The following GABRG3 variants were observed in gnomAD, a reference collection of about 807,000 sequenced individuals.
The protein encoded by GABRG3 is gamma-aminobutyric acid type A receptor subunit gamma3.
In GABRG3, 25 loss-of-function variants were observed where a neutral mutation model predicts 48.8. The observed-to-expected ratio is 0.51, with a 90% CI of 0.37 to 0.72. The LOEUF (loss-of-function observed/expected upper bound fraction) is 0.72, where lower values mean the gene tolerates loss of function less well. Among genes scored for constraint, GABRG3 ranks in the 30% least tolerant of loss-of-function variants. The probability of loss-of-function intolerance (pLI) is 0.00; values close to 1 mark genes in which losing one functional copy is unlikely to be tolerated. For missense variants in GABRG3, 394 were observed against 577.9 expected (o/e 0.68, Z 3.26); for synonymous variants, 227 against 217.6 (o/e 1.04, Z -0.38).
intron 3 of GABRG3, among the ~76,000 whole-genome samples, chr15:27,283,591 G>A (rs1414569313): frequency 6.6e-6 from 1 of 152,192 alleles, no homozygotes; most frequent in Non-Finnish European, 1.5e-5. Flanking sequence ...AGGCAACAGA[G>A]CAAGACTCCG....
At position 27,090,493 on chromosome 15, in the gene GABRG3, C is replaced by T. The variant is rs567435384; in HGVS notation, c.270+63672C>T. On this transcript the variant is annotated intron_variant, in intron 3 of 9. Transcript: ENST00000615808. ...TTTCTATAGCAGCTGCACCGTTTTACAGTTCCACCAACAACCTATGAGGGT... is the reference window on the plus strand; with the variant it reads ...TTTCTATAGCAGCTGCACCGTTTTATAGTTCCACCAACAACCTATGAGGGT... Among the ~76,000 whole-genome samples, 15 of 152,284 alleles carry T rather than the reference C, an allele frequency of 9.9e-5. 2 individuals are homozygous for T. The highest frequency in any genetic ancestry group is 3.6e-4 in the African/African-American group (15 of 41,566).
chr15:27,322,053 A>T lies in GABRG3; in HGVS notation c.271-4756A>T, dbSNP rs1389785440. On this transcript the variant is annotated intron_variant, in intron 3 of 9. Coordinates refer to ENST00000615808, the MANE Select transcript of GABRG3 (RefSeq NM_033223.5). Reference sequence around the variant, plus strand: ...ACACATTAATTTCATAGCATTAAGGAATTATATAGAATCTTTATTTTCAGA... The same window carrying T: ...ACACATTAATTTCATAGCATTAAGGTATTATATAGAATCTTTATTTTCAGA... 2.0e-5 allele frequency among the ~76,000 whole-genome samples: 3 copies of T among 152,226 alleles called. No individual in the cohort carries two copies. The East Asian group carries it at 5.8e-4, about 29-fold the overall frequency.
intron 5 of GABRG3, among the ~76,000 whole-genome samples, chr15:27,378,581 G>A (rs548637201): frequency 1.1e-4 from 17 of 152,256 alleles, no homozygotes; most frequent in South Asian, 4.1e-4. Flanking sequence ...GTTTTGCAAC[G>A]AAGTGATCTA....
At chr15:27,307,881 TTATA>T (rs1310316271) in intron 3 of GABRG3, among the ~76,000 whole-genome samples, 1 of 135,082 alleles carries the variant, frequency 7.4e-6, no homozygotes, top group African/African-American at 2.7e-5. Context: ...ATGTATATGT[TTATA>T]TATAAAATAT....
At chr15:27,048,549 T>C (rs1896403533) in intron 3 of GABRG3, among the ~76,000 whole-genome samples, 1 of 152,108 alleles carries the variant, frequency 6.6e-6, no homozygotes, top group Non-Finnish European at 1.5e-5. Flanking sequence ...CATGGTCTTA[T>C]GAAGATCTTA....
chr15:26,982,242 A>G (rs1895069441), intron 2 of GABRG3, among the ~76,000 whole-genome samples: 1 of 152,160 alleles, frequency 6.6e-6, no homozygotes, highest in Non-Finnish European at 1.5e-5. Flanking sequence ...TGATTGTCAG[A>G]CACTGGTCAG....
At position 27,437,513 on chromosome 15, in the gene GABRG3, C is replaced by A. The variant is rs532636064; in HGVS notation, c.575-43137C>A. Among the ~76,000 whole-genome samples the A allele has an allele frequency of 3.3e-4, 51 of 152,308 alleles. 1 individual carries two copies. The highest frequency in any genetic ancestry group is 1.9e-4 in the East Asian group (1 of 5,176). ...TGTCCCTGCTCACTTCCAGTAGAAGCATTTTTTTTCCAGTCATTCTTTTGT... is the reference window on the plus strand; with the variant it reads ...TGTCCCTGCTCACTTCCAGTAGAAGAATTTTTTTTCCAGTCATTCTTTTGT... On this transcript the variant is annotated intron_variant, in intron 5 of 9. Coordinates refer to ENST00000615808, the MANE Select transcript of GABRG3 (RefSeq NM_033223.5).
intron 7 of GABRG3, among the ~76,000 whole-genome samples, chr15:27,525,349 C>T (rs1891249580): frequency 6.6e-6 from 1 of 152,190 alleles, no homozygotes; most frequent in Admixed American, 6.5e-5. Context: ...CCAAAGCATC[C>T]TATATGTACT....
rs1566768501 is a variant in GABRG3, at chr15:27,306,603, GTTTATATATA to G, written c.271-20205_271-20196del. Among the ~76,000 whole-genome samples, 312 of 60,656 alleles carry G rather than the reference GTTTATATATA, an allele frequency of 5.1e-3. 15 individuals are homozygous for G. Among genetic ancestry groups the G allele is most frequent in the African/African-American group, 0.014 (296 of 21,424 alleles). 39.8% of individuals were successfully genotyped at this position (60,656 alleles called of 152,430 possible). A position where few individuals can be genotyped will look rare whatever the true frequency, so the allele number is the denominator to read the frequency against. ...ATATAAACATATAATATAAACATAT[GTTTATATATA>G]AACATATATAATATAAACATATATT... On this transcript the variant is annotated intron_variant, in intron 3 of 9. Transcript: ENST00000615808.
chr15:27,467,383 A>G (rs1015655445), intron 5 of GABRG3, among the ~76,000 whole-genome samples: 4 of 150,422 alleles, frequency 2.7e-5, no homozygotes, highest in Non-Finnish European at 4.4e-5. Context: ...ATATAGTTAC[A>G]TGCCATCTTC....
chr15:27,190,741 A>G (rs1888268399), intron 3 of GABRG3, among the ~76,000 whole-genome samples: 1 of 151,474 alleles, frequency 6.6e-6, no homozygotes, highest in African/African-American at 2.4e-5. Context: ...TTCTGCTCTG[A>G]TTTTAGTTAT....
chr15:27,225,889 GGGA>G (rs1889596324), intron 3 of GABRG3, among the ~76,000 whole-genome samples: 1 of 152,138 alleles, frequency 6.6e-6, no homozygotes, highest in Admixed American at 6.5e-5. Flanking sequence ...GAGCTTCCAG[GGGA>G]GGAGGAGGAG....
intron 3 of GABRG3, among the ~76,000 whole-genome samples, chr15:27,210,085 G>A (rs558055033): frequency 6.6e-6 from 1 of 152,260 alleles, no homozygotes; most frequent in African/African-American, 2.4e-5. Flanking sequence ...AATTTGGGGG[G>A]ACACAGTTTG....
chr15:27,106,208 C>T (rs961985465), intron 3 of GABRG3, among the ~76,000 whole-genome samples: 1 of 151,968 alleles, frequency 6.6e-6, no homozygotes, highest in Non-Finnish European at 1.5e-5. Context: ...ACGTCTAATG[C>T]ATAACAGGAG....
At chr15:27,036,902 G>A (rs1183571177) in intron 3 of GABRG3, among the ~76,000 whole-genome samples, 1 of 152,156 alleles carries the variant, frequency 6.6e-6, no homozygotes, top group African/African-American at 2.4e-5. Flanking sequence ...TGGAAATAGA[G>A]TCATTGCAGA....
chr15:27,443,856 C>A (rs923748449), intron 5 of GABRG3, among the ~76,000 whole-genome samples: 4 of 152,042 alleles, frequency 2.6e-5, no homozygotes, highest in Admixed American at 2.0e-4. Context: ...TATAATGAAC[C>A]GGTGTCAAAT....
intron 3 of GABRG3, among the ~76,000 whole-genome samples, chr15:27,223,231 T>C (rs1889506317): frequency 6.6e-6 from 1 of 152,202 alleles, no homozygotes; most frequent in Admixed American, 6.5e-5. Flanking sequence ...CTGAGAGCAG[T>C]TAATAATTAG....
Position 27,128,403 on chromosome 15 carries a change from G to A in GABRG3, c.270+101582G>A, listed in dbSNP as rs558678370. 3.3e-5 allele frequency among the ~76,000 whole-genome samples: 5 copies of A among 152,172 alleles called. No individual in the cohort carries two copies. In the South Asian group the frequency reaches 8.3e-4, roughly 25 times the overall value. ...TGCTTTAAGACTTATCTCAGGTACC[G>A]GAATTATTTAAAATAATTGTCCAGA... On this transcript the variant is annotated intron_variant, in intron 3 of 9. Coordinates refer to ENST00000615808, the MANE Select transcript of GABRG3 (RefSeq NM_033223.5).
intron 3 of GABRG3, among the ~76,000 whole-genome samples, chr15:27,245,593 G>T (rs1890244716): frequency 6.6e-6 from 1 of 152,124 alleles, no homozygotes; most frequent in Non-Finnish European, 1.5e-5. Context: ...AAGAAAATAG[G>T]CTGGGCATGG....
Sources: gnomAD v4.1 joint callset for allele counts (sites outside exome capture counted in the v4.1 genomes callset) on GRCh38, gnomAD v4.1.1 for gene constraint, MANE v1.5 for transcripts, NCBI Gene and HGNC (gene_info 2026-07-23, HGNC 2026-07-21) for gene names.